NKX3-2: variants seen among roughly 807,000 people sequenced by gnomAD.
The protein encoded by NKX3-2 is NK3 homeobox 2, also known as homeobox protein Nkx-3.2.
NKX3-2 carries 13 observed loss-of-function variants against 19.4 expected under a neutral mutation model. The ratio of observed to expected loss-of-function variants is 0.67; its 90% CI spans 0.44 to 1.07. The LOEUF is 1.07. Ranked by LOEUF, NKX3-2 falls within the 50% of genes least tolerant of loss-of-function variation. The pLI, the probability that NKX3-2 is intolerant of heterozygous loss-of-function variation, is 0.00. For synonymous variants in NKX3-2, 269 were observed against 230.5 expected, an observed-to-expected ratio of 1.17 and a Z score of -1.51; for missense variants, 562 against 488.2, an observed-to-expected ratio of 1.15 and a Z score of -1.42.
Position 13,542,410 on chromosome 4 carries a change from C to T in NKX3-2, c.585G>A (p.Glu195=), listed in dbSNP as rs1198494101. ...GGSGPAGVAE[E]EEEPAAPKPR... Reference sequence around the variant, plus strand: ...GCTTGGGCGCCGCCGGCTCCTCCTCCTCCTCCGCGACGCCTGCCGGCCCGC... The same window carrying T: ...GCTTGGGCGCCGCCGGCTCCTCCTCTTCCTCCGCGACGCCTGCCGGCCCGC... Residue 195 remains glutamate, a synonymous_variant, in exon 2 of 2, where the codon GAG becomes GAA. Transcript: ENST00000382438. The surrounding 1 kb of genome is among the most constrained non-coding windows in gnomAD (Gnocchi z 6.4). 6.6e-7 allele frequency: 1 copy of T among 1,526,574 alleles called. No homozygotes were observed. The highest frequency in any genetic ancestry group is 8.7e-7 in the Non-Finnish European group (1 of 1,142,870). The allele number at this position is 1,526,574 out of a possible 1,614,324, so 94.6% of individuals were successfully genotyped here.
At position 13,542,539 on chromosome 4, in the gene NKX3-2, C is replaced by A. The variant is rs1718017654; in HGVS notation, c.467-11G>T. The stretch of plus-strand genomic sequence containing the variant: ...TTGGGCTGCGGTCGCCTGCGGACCC[C>A]GGTGGGAACAGAAACAAGAGACTGT... On this transcript the variant is annotated splice_polypyrimidine_tract_variant and intron_variant, in intron 1 of 1. Transcript: ENST00000382438. The surrounding 1 kb of genome is among the most constrained non-coding windows in gnomAD (Gnocchi z 6.4). 1 of 1,596,350 alleles carries A rather than the reference C, an allele frequency of 6.3e-7. No homozygotes were observed. Among genetic ancestry groups the A allele is most frequent in the Admixed American group, 1.7e-5 (1 of 60,008 alleles).
At position 13,541,896 on chromosome 4, in the gene NKX3-2, C is replaced by G; in HGVS notation, c.*97G>C. 1 of 1,510,544 alleles carries G rather than the reference C, an allele frequency of 6.6e-7. No individual in the cohort carries two copies. The highest frequency in any genetic ancestry group is 8.9e-7 in the Non-Finnish European group (1 of 1,122,800). 93.6% of individuals were successfully genotyped at this position (1,510,544 alleles called of 1,614,324 possible). A position where few individuals can be genotyped will look rare whatever the true frequency, so the allele number is the denominator to read the frequency against. ...GCTGGGTTTCACCTCCAGGTGCCTC[C>G]TTGGCGGGGCGCCCCGTGCAGGCTA... On this transcript the variant is annotated 3_prime_UTR_variant, in exon 2 of 2. Transcript: ENST00000382438.
Position 13,544,070 on chromosome 4 carries a change from C to G in NKX3-2, c.345G>C (p.Gly115=). The G allele has an allele frequency of 6.3e-7, 1 of 1,577,322 alleles. No individual in the cohort carries two copies. The highest frequency in any genetic ancestry group is 8.6e-7 in the Non-Finnish European group (1 of 1,164,280). ...TCAAGGATCCCCCCGCAAGGCCGGC[C>G]CCGCTGGCCCCCCGCGCGTCCGCGC... is the stretch of plus-strand genomic sequence containing the variant. ...RRCADARGAS[G]AGLAGGSLSL... The change falls in exon 1 of 2, where the codon GGG becomes GGC. Residue 115 remains glycine (G), a synonymous_variant. Transcript: ENST00000382438.
At position 13,544,059 on chromosome 4, in the gene NKX3-2, G is replaced by C; in HGVS notation, c.356C>G (p.Ala119Gly). ...CTGGCCGAGGCTCAAGGATCCCCCC[G>C]CAAGGCCGGCCCCGCTGGCCCCCCG... The part of the protein sequence containing the change: ...DARGASGAGL[A>G]GGSLSLGQPV... The change falls in exon 1 of 2, where the codon GCG (alanine) becomes GGG (glycine). Residue 119 changes from alanine (A) to glycine (G), a missense_variant. Ala to Gly is a moderately conservative substitution (Grantham distance 60, BLOSUM62 0). Transcript: ENST00000382438. 6.4e-7 allele frequency: 1 copy of C among 1,570,962 alleles called. No homozygotes were observed. Among genetic ancestry groups the C allele is most frequent in the Non-Finnish European group, 8.6e-7 (1 of 1,161,110 alleles).
chr4:13,540,906 C>T lies in NKX3-2; in HGVS notation c.*1087G>A, dbSNP rs1297857520. The T allele has an allele frequency of 6.6e-6, 1 of 152,178 alleles. No individual in the cohort carries two copies. Among genetic ancestry groups the T allele is most frequent in the Non-Finnish European group, 1.5e-5 (1 of 68,030 alleles). The allele number at this position is 152,178 out of a possible 1,614,324, so 9.4% of individuals were successfully genotyped here. A position where few individuals can be genotyped will look rare whatever the true frequency, so the allele number is the denominator to read the frequency against. On this transcript the variant is annotated 3_prime_UTR_variant, in exon 2 of 2. Transcript: ENST00000382438. ...CTTCCAAACTTCACAAATCTTTTTACAGTTAATACTCTAGTTGAGTGCACA... is the reference window on the plus strand; with the variant it reads ...CTTCCAAACTTCACAAATCTTTTTATAGTTAATACTCTAGTTGAGTGCACA...
Position 13,542,904 on chromosome 4 carries a change from C to T in NKX3-2, c.467-376G>A, listed in dbSNP as rs1020544976. Among the ~76,000 whole-genome samples, 4 of 151,986 alleles carry T rather than the reference C, an allele frequency of 2.6e-5. No homozygotes were observed. Among genetic ancestry groups the T allele is most frequent in the African/African-American group, 7.2e-5 (3 of 41,402 alleles). ...TTGGGATTCTAGACTGCATTTCCGTCTCTCTGCTTGGGTTCACGCGCCTCT... is the reference window on the plus strand; with the variant it reads ...TTGGGATTCTAGACTGCATTTCCGTTTCTCTGCTTGGGTTCACGCGCCTCT... On this transcript the variant is annotated intron_variant, in intron 1 of 1. Transcript: ENST00000382438. The surrounding 1 kb of genome is among the most constrained non-coding windows in gnomAD (Gnocchi z 6.4).
upstream of NKX3-2, chr4:13,544,755 G>C (rs570031209): frequency 1.1e-4 from 19 of 174,618 alleles, no homozygotes; most frequent in South Asian, 3.6e-3. Flanking sequence ...GAGGATTGGC[G>C]GGGGCCCCTC....
upstream of NKX3-2, chr4:13,544,912 C>G (rs1718091820): frequency 6.6e-6 from 1 of 152,262 alleles, no homozygotes; most frequent in Non-Finnish European, 1.5e-5. Flanking sequence ...GGAGCCCACC[C>G]CCGGCGGCGG....
upstream of NKX3-2, chr4:13,547,370 C>T: frequency 2.7e-6 from 1 of 375,510 alleles, no homozygotes; most frequent in Non-Finnish European, 5.3e-6. Flanking sequence ...TCTGCAACCT[C>T]CCGACGGGCG....
At chr4:13,546,989 G>T (rs929519185), upstream of NKX3-2, 1 of 456,202 alleles carries the variant, frequency 2.2e-6, no homozygotes, top group African/African-American at 2.0e-5. Context: ...GAGTCTCCTG[G>T]TGTCATCTCG....
chr4:13,544,195 G>A lies in NKX3-2; in HGVS notation c.220C>T (p.Pro74Ser), dbSNP rs1356871893. 6.2e-7 allele frequency: 1 copy of A among 1,602,074 alleles called. No individual in the cohort carries two copies. Among genetic ancestry groups the A allele is most frequent in the Non-Finnish European group, 8.5e-7 (1 of 1,178,826 alleles). Reference sequence around the variant, plus strand: ...CCCGCAGCTGTTCTGGTACCGGCAGGAGACGCCAGCAGAGAGTCCTCGGCG... The same window carrying A: ...CCCGCAGCTGTTCTGGTACCGGCAGAAGACGCCAGCAGAGAGTCCTCGGCG... ...GGAEDSLLAS[P>S]AGTRTAAGRT... The change falls in exon 1 of 2, where the codon CCT becomes TCT. Residue 74 changes from proline to serine, a missense_variant. Pro to Ser is a moderately conservative substitution (Grantham distance 74). Transcript: ENST00000382438.
upstream of NKX3-2, chr4:13,544,770 G>T: frequency 6.0e-6 from 1 of 167,844 alleles, no homozygotes; most frequent in Non-Finnish European, 1.3e-5. Context: ...CCCCTCCGTG[G>T]CAGCAGTCCC....
rs1717980797 is a variant in NKX3-2, at chr4:13,541,345, G to A, written c.*648C>T. On this transcript the variant is annotated 3_prime_UTR_variant, in exon 2 of 2. Transcript: ENST00000382438. ...AGACCCCCGGCTTGCACCACACTTG[G>A]AGGCTCCCCTCCTTACATTCAGCAC... 1 of 152,112 alleles carries A rather than the reference G, an allele frequency of 6.6e-6. No homozygotes were observed. Among genetic ancestry groups the A allele is most frequent in the Non-Finnish European group, 1.5e-5 (1 of 68,030 alleles). The allele number at this position is 152,112 out of a possible 1,614,324, so 9.4% of individuals were successfully genotyped here.
rs1322802409 is a variant in NKX3-2, at chr4:13,543,953, G to C, written c.462C>G (p.Val154=). ...CCCCGCGAAGCCGCAGCAGACCTGA[G>C]ACGCTGGCGGACATCTCGCTGTCGC... ...GRSDSEMSAS[V]SGDRSPRTED... is the part of the protein sequence containing the mutation. Residue 154 remains valine, a synonymous_variant, in exon 1 of 2, where the codon GTC becomes GTG. Transcript: ENST00000382438. This position sits in a 1 kb window ranked among gnomAD's most constrained non-coding sequence, Gnocchi z 7.1. 6.5e-7 allele frequency: 1 copy of C among 1,544,714 alleles called. No homozygotes were observed. Among genetic ancestry groups the C allele is most frequent in the African/African-American group, 1.4e-5 (1 of 71,216 alleles).
rs1216445778 is a variant in NKX3-2, at chr4:13,543,541, T to C, written c.466+408A>G. On this transcript the variant is annotated intron_variant, in intron 1 of 1. Transcript: ENST00000382438. This position sits in a 1 kb window ranked among gnomAD's most constrained non-coding sequence, Gnocchi z 7.1. ...CTGGGACCTTGAACTGGCAGGTCTC[T>C]GGTCCAGAGCTAGGTCACTGGCTAC... 1.3e-5 allele frequency among the ~76,000 whole-genome samples: 2 copies of C among 152,182 alleles called. No individual in the cohort carries two copies. The highest frequency in any genetic ancestry group is 2.9e-5 in the Non-Finnish European group (2 of 68,040).
upstream of NKX3-2, chr4:13,544,892 A>C (rs1479570443): frequency 6.6e-6 from 1 of 151,934 alleles, no homozygotes; most frequent in Non-Finnish European, 1.5e-5. Context: ...CCTGCTGGGC[A>C]GGCTCTTCCG....
rs771586473 is a variant in NKX3-2 at position 13,544,109 on chromosome 4, C to T, written c.306G>A (p.Glu102=). ...GCGCGTCCGCGCAGCGCCGCCTGCT[C>T]TCGTTCTCCTCGCTGAGCGCGGAGT... The part of the protein sequence containing the change: ...DSDSALSEEN[E]SRRRCADARG... The change falls in exon 1 of 2, where the codon GAG becomes GAA. Residue 102 remains glutamate (E), a synonymous_variant. Transcript: ENST00000382438. 2 of 1,599,050 alleles carry T rather than the reference C, an allele frequency of 1.3e-6. No individual in the cohort carries two copies. Among genetic ancestry groups the T allele is most frequent in the Admixed American group, 1.7e-5 (1 of 58,414 alleles).
chr4:13,542,008 G>C lies in NKX3-2; in HGVS notation c.987C>G (p.Ala329=), dbSNP rs144770764. Residue 329 remains alanine (A), a synonymous_variant, in exon 2 of 2, where the codon GCC becomes GCG. Transcript: ENST00000382438. The surrounding 1 kb of genome is among the most constrained non-coding windows in gnomAD (Gnocchi z 6.4). ...PGWALSTCAA[A]AGTQ is the part of the protein sequence containing the mutation. ...CCAAGCGGGTTCACTGGGTGCCTGC[G>C]GCAGCTGCGCAGGTGGAGAGCGCCC... 8 of 1,589,768 alleles carry C rather than the reference G, an allele frequency of 5.0e-6. No homozygotes were observed. Among genetic ancestry groups the C allele is most frequent in the Non-Finnish European group, 6.8e-6 (8 of 1,169,046 alleles).
rs187378902 is a variant in NKX3-2 at position 13,543,203 on chromosome 4, G to A, written c.467-675C>T. On this transcript the variant is annotated intron_variant, in intron 1 of 1. Coordinates refer to ENST00000382438, the MANE Select transcript of NKX3-2 (RefSeq NM_001189.4). This position sits in a 1 kb window ranked among gnomAD's most constrained non-coding sequence, Gnocchi z 7.1. ...TTCTCGGTCTCGTACCCGCCCTTCC[G>A]AAGAACTCCAGCAGAAAGGTCCAGC... Among the ~76,000 whole-genome samples the A allele has an allele frequency of 2.0e-5, 3 of 152,034 alleles. No homozygotes were observed. Among genetic ancestry groups the A allele is most frequent in the African/African-American group, 7.2e-5 (3 of 41,402 alleles).
Sources: gnomAD v4.1 joint callset for allele counts (sites outside exome capture counted in the v4.1 genomes callset) on GRCh38, gnomAD v4.1.1 for gene constraint, Gnocchi (gnomAD v3.1) non-coding constraint, MANE v1.5 for transcripts, NCBI Gene and HGNC (gene_info 2026-07-23, HGNC 2026-07-21) for gene names.